Variants in GK observed in about 807,000 individuals in gnomAD.
GK encodes glycerol kinase.
In GK, 9 loss-of-function variants were observed where a neutral mutation model predicts 56.4. The ratio of observed to expected loss-of-function variants is 0.16; its 90% CI spans 0.10 to 0.28. The LOEUF (loss-of-function observed/expected upper bound fraction) is 0.28. Among genes scored for constraint, GK ranks in the 10% least tolerant of loss-of-function variants. The probability of loss-of-function intolerance (pLI) is 1.00; values close to 1 mark genes in which losing one functional copy is unlikely to be tolerated. For synonymous variants in GK, 104 were observed against 144.1 expected (o/e 0.72, Z 1.99); for missense variants, 161 against 431.4 (o/e 0.37, Z 5.55).
chrX:30,677,114 G>A (rs1375241798), intron 3 of GK, among the ~76,000 whole-genome samples: 15 of 111,946 alleles, frequency 1.3e-4, no homozygotes, highest in Non-Finnish European at 3.8e-5. Flanking sequence ...TTTTATTTGG[G>A]TATTGATCTG....
chrX:30,684,666 C>CAAAAAAAAAA (rs60771873), intron 4 of GK, among the ~76,000 whole-genome samples: 13 of 32,399 alleles, frequency 4.0e-4, no homozygotes, highest in Non-Finnish European at 6.5e-4. Flanking sequence ...AACTCCATCT[C>CAAAAAAAAAA]AAAAAAAAAA....
chrX:30,697,677 C>T lies in GK; in HGVS notation c.730-55C>T, dbSNP rs1001521029. The T allele has an allele frequency of 6.8e-6, 6 of 877,748 alleles. No homozygotes were observed. In the East Asian group the frequency reaches 1.9e-4, roughly 27 times the overall value. 72.3% of individuals were successfully genotyped at this position (877,748 alleles called of 1,213,427 possible). On this transcript the variant is annotated intron_variant, in intron 8 of 20. Coordinates refer to ENST00000427190, the MANE Select transcript of GK (RefSeq NM_001205019.2). Reference sequence around the variant, plus strand: ...AAACGTGGAACTGGCCTAGTTTTCTCTTGTATTTAAAATATTATGCTTCTA... The same window carrying T: ...AAACGTGGAACTGGCCTAGTTTTCTTTTGTATTTAAAATATTATGCTTCTA...
chrX:30,693,348 T>A (rs1452873026), intron 5 of GK, among the ~76,000 whole-genome samples: 2 of 110,803 alleles, frequency 1.8e-5, no homozygotes, highest in Non-Finnish European at 3.8e-5. Flanking sequence ...TAATCAGCCT[T>A]TATATACATT....
At position 30,696,027 on chromosome X, in the gene GK, T is replaced by G; in HGVS notation, c.553-15T>G. 1.1e-6 allele frequency: 1 copy of G among 930,943 alleles called. No homozygotes were observed. The highest frequency in any genetic ancestry group is 1.9e-5 in the African/African-American group (1 of 52,615). The allele number at this position is 930,943 out of a possible 1,213,427, so 76.7% of individuals were successfully genotyped here. ...AATAAGTACAAATTTAACCTGATTT[T>G]TTTACTCTGCCTAGAGTTTGACAGG... On this transcript the variant is annotated splice_polypyrimidine_tract_variant and intron_variant, in intron 6 of 20. Transcript: ENST00000427190.
intron 13 of GK, among the ~76,000 whole-genome samples, chrX:30,714,703 C>T (rs1172627984): frequency 1.8e-5 from 2 of 112,076 alleles, no homozygotes; most frequent in Admixed American, 1.9e-4. Context: ...TATCACCACG[C>T]TCAAGAGGCG....
rs1368982144 is a variant in GK at position 30,730,359 on chromosome X, C to T, written c.*1617C>T. 9.0e-6 allele frequency: 1 copy of T among 111,503 alleles called. No homozygotes were observed. Among genetic ancestry groups the T allele is most frequent in the Non-Finnish European group, 1.9e-5 (1 of 53,161 alleles). The allele number at this position is 111,503 out of a possible 1,213,427, so 9.2% of individuals were successfully genotyped here. A position where few individuals can be genotyped will look rare whatever the true frequency, so the allele number is the denominator to read the frequency against. On this transcript the variant is annotated 3_prime_UTR_variant, in exon 21 of 21. Coordinates refer to ENST00000427190, the MANE Select transcript of GK (RefSeq NM_001205019.2). ...TGCTAGGTTTTATTGATGCAGCCAC[C>T]ACTTAAGTGACATAAATATTATAGA...
At chrX:30,666,683 T>C (rs1452809269) in intron 2 of GK, among the ~76,000 whole-genome samples, 1 of 112,226 alleles carries the variant, frequency 8.9e-6, no homozygotes, top group East Asian at 2.8e-4. Flanking sequence ...CTTCTTCACA[T>C]GAAAAAATGT....
chrX:30,698,863 T>G (rs1329234124), intron 9 of GK, among the ~76,000 whole-genome samples: 1 of 34,272 alleles, frequency 2.9e-5, no homozygotes, highest in Non-Finnish European at 4.9e-5. Flanking sequence ...TGAAACTCCA[T>G]CTCAAAAAAA....
chrX:30,690,523 T>C (rs1175488617), intron 4 of GK, among the ~76,000 whole-genome samples: 1 of 111,504 alleles, frequency 9.0e-6, no homozygotes, highest in African/African-American at 3.3e-5. Context: ...TTTTTTTTTA[T>C]ACTCCAGCAG....
chrX:30,723,225 C>T (rs1217504881), intron 18 of GK, among the ~76,000 whole-genome samples: 1 of 110,025 alleles, frequency 9.1e-6, no homozygotes, highest in Non-Finnish European at 1.9e-5. Flanking sequence ...GAAACCCCAT[C>T]TCTACTAGAA....
intron 1 of GK, among the ~76,000 whole-genome samples, chrX:30,662,851 TTCTTTCTTTCTTTCTTTC>T (rs1410912526): frequency 0.082 from 3,997 of 48,832 alleles, 135 homozygotes; most frequent in African/African-American, 0.13. Flanking sequence ...CTTTCTTTCT[TTCTTTCTTTCTTTCTTTC>T]TCTTTCTTTC....
At chrX:30,664,173 T>C (rs1343973232) in intron 1 of GK, among the ~76,000 whole-genome samples, 19 of 94,454 alleles carry the variant, frequency 2.0e-4, no homozygotes, top group Non-Finnish European at 3.5e-4. Flanking sequence ...TATATAGATA[T>C]ATATATATCT....
chrX:30,666,296 A>T (rs1364887367), intron 2 of GK, among the ~76,000 whole-genome samples: 2 of 112,506 alleles, frequency 1.8e-5, no homozygotes, highest in Non-Finnish European at 3.7e-5. Context: ...TAGTAATTTT[A>T]AAAAAGTGGA....
intron 4 of GK, among the ~76,000 whole-genome samples, chrX:30,681,977 A>G (rs1399651145): frequency 8.9e-6 from 1 of 112,093 alleles, no homozygotes; most frequent in East Asian, 2.8e-4. Flanking sequence ...CATTCTGGTT[A>G]CTATAACAAA....
chrX:30,723,460 C>T (rs1395858394), intron 18 of GK, among the ~76,000 whole-genome samples: 2 of 110,746 alleles, frequency 1.8e-5, no homozygotes, highest in Non-Finnish European at 3.8e-5. Flanking sequence ...CCCTTTTCCT[C>T]GTACCCTTTC....
chrX:30,707,984 T>C, intron 12 of GK, 70 bp from the exon 13 acceptor site: 2 of 646,752 alleles, frequency 3.1e-6, no homozygotes, highest in Non-Finnish European at 5.0e-6. Flanking sequence ...TTATTTTAAC[T>C]TTAAAAAAAA....
At position 30,730,030 on chromosome X, in the gene GK, T is replaced by C. The variant is rs1937290686; in HGVS notation, c.*1288T>C. 1 of 112,477 alleles carries C rather than the reference T, an allele frequency of 8.9e-6. No individual in the cohort carries two copies. Among genetic ancestry groups the C allele is most frequent in the African/African-American group, 3.2e-5 (1 of 30,974 alleles). The allele number at this position is 112,477 out of a possible 1,213,427, so 9.3% of individuals were successfully genotyped here. The stretch of plus-strand genomic sequence containing the variant: ...ATTACCTCTGCTTAGTATCTCATTA[T>C]AACTGAAAGAAGGTTTATCATTACA... On this transcript the variant is annotated 3_prime_UTR_variant, in exon 21 of 21. Transcript: ENST00000427190.
At chrX:30,661,914 C>T (rs976507060) in intron 1 of GK, among the ~76,000 whole-genome samples, 3 of 112,776 alleles carry the variant, frequency 2.7e-5, no homozygotes, top group Admixed American at 1.9e-4. Context: ...CCTCTGGGTA[C>T]TGTGTTTTAA....
In GK at chrX:30,728,758, G is replaced by A. The variant is rs774544637; in HGVS notation, c.*16G>A. On this transcript the variant is annotated 3_prime_UTR_variant, in exon 21 of 21. Coordinates refer to ENST00000427190, the MANE Select transcript of GK (RefSeq NM_001205019.2). ...TATTCCATAAAACCTACCAACTCAT[G>A]GATTCCCAAGATGTGAGCTTTTTAC... 18 of 1,139,526 alleles carry A rather than the reference G, an allele frequency of 1.6e-5. No individual in the cohort carries two copies. The East Asian group carries it at 5.1e-4, about 32-fold the overall frequency. 93.9% of individuals were successfully genotyped at this position (1,139,526 alleles called of 1,213,427 possible). A position where few individuals can be genotyped will look rare whatever the true frequency, so the allele number is the denominator to read the frequency against.
Sources: gnomAD v4.1 joint callset for allele counts (sites outside exome capture counted in the v4.1 genomes callset) on GRCh38, gnomAD v4.1.1 for gene constraint, MANE v1.5 for transcripts, NCBI Gene and HGNC (gene_info 2026-07-23, HGNC 2026-07-21) for gene names.